Variants in PKHD1L1 observed in about 807,000 individuals in gnomAD.
PKHD1L1 encodes fibrocystin-L.
PKHD1L1 carries 434 observed loss-of-function variants against 462.9 expected under a neutral mutation model. That is an observed-to-expected ratio of 0.94 (90% CI 0.87 to 1.02). PKHD1L1 has a LOEUF of 1.02. Ranked by LOEUF, PKHD1L1 falls within the 50% of genes least tolerant of loss-of-function variation. The pLI is 0.00. For missense variants in PKHD1L1, 5,202 were observed against 5,096.1 expected (o/e 1.02, Z -0.63); for synonymous variants, 1,781 against 1,750.0 (o/e 1.02, Z -0.44).
Position 109,432,334 on chromosome 8 carries a change from T to C in PKHD1L1, c.3230-772T>C, listed in dbSNP as rs185745002. Among the ~76,000 whole-genome samples the C allele has an allele frequency of 9.7e-4, 148 of 152,286 alleles. 2 individuals carry two copies. The East Asian group carries it at 0.021, about 22-fold the overall frequency. ...AACCCCATGACTTCATGTATCATAT[T>C]TGAGAAATCCATTTCTACCTCAAAG... On this transcript the variant is annotated intron_variant, in intron 27 of 77. Transcript: ENST00000378402.
At chr8:109,377,706 G>A (rs1051135292) in intron 2 of PKHD1L1, among the ~76,000 whole-genome samples, 2 of 152,082 alleles carry the variant, frequency 1.3e-5, no homozygotes, top group Admixed American at 1.3e-4. Context: ...CCATAGATGT[G>A]TGTAATTTAC....
intron 2 of PKHD1L1, 125 bp from the exon 3 acceptor site, chr8:109,381,245 A>C: frequency 1.2e-6 from 1 of 830,718 alleles, no homozygotes; most frequent in South Asian, 1.7e-5. Flanking sequence ...TAAATATGAA[A>C]TAGGTTCACT....
intron 51 of PKHD1L1, among the ~76,000 whole-genome samples, chr8:109,475,847 C>CAAAAAA (rs35419700): frequency 1.1e-3 from 105 of 95,268 alleles, no homozygotes; most frequent in African/African-American, 3.4e-3. Context: ...GACTCCATCT[C>CAAAAAA]AAAAAAAAAA....
intron 53 of PKHD1L1, among the ~76,000 whole-genome samples, 167 bp downstream of exon 53, chr8:109,477,563 G>A (rs1467284763): frequency 1.3e-5 from 2 of 152,160 alleles, no homozygotes; most frequent in Non-Finnish European, 2.9e-5. Flanking sequence ...AAACCTTCGT[G>A]AGAAAATGAA....
Position 109,479,994 on chromosome 8 carries a change from C to T in PKHD1L1, c.9182C>T (p.Thr3061Ile). Residue 3061 changes from threonine (T) to isoleucine (I), a missense_variant, in exon 55 of 78, where the codon ACA (threonine) becomes ATA (isoleucine). By Grantham distance (89) the Thr-to-Ile change is moderately conservative. Coordinates refer to ENST00000378402, the MANE Select transcript of PKHD1L1 (RefSeq NM_177531.6). ...PGANVIIPEGTWIVADIDMPS... is the reference protein window; with the variant it reads ...PGANVIIPEGIWIVADIDMPS... ...TTCTTAAAGTATTGTTTTATAGGAA[C>T]ATGGATTGTAGCTGACATAGATATG... 6.4e-7 allele frequency: 1 copy of T among 1,571,012 alleles called. No individual in the cohort carries two copies. Among genetic ancestry groups the T allele is most frequent in the Non-Finnish European group, 8.6e-7 (1 of 1,164,838 alleles).
rs1816088949 is a variant in PKHD1L1, at chr8:109,445,569, A to G, written c.5700A>G (p.Thr1900=). The change falls in exon 38 of 78, where the codon ACA becomes ACG. Residue 1900 remains threonine, a synonymous_variant. Transcript: ENST00000378402. ...TCGATGTTAAAATCTTTGTTAATACAATTGCTTATCCACCTTTGCTTTTTA... is the reference window on the plus strand; with the variant it reads ...TCGATGTTAAAATCTTTGTTAATACGATTGCTTATCCACCTTTGCTTTTTA... ...GMVDVKIFVN[T]IAYPPLLFTY... 2.5e-6 allele frequency: 4 copies of G among 1,611,692 alleles called. No homozygotes were observed. The African/African-American group carries it at 4.0e-5, about 16-fold the overall frequency.
In PKHD1L1 at chr8:109,375,687, T is replaced by G. The variant is rs544055970; in HGVS notation, c.164-5683T>G. Among the ~76,000 whole-genome samples, 30 of 152,322 alleles carry G rather than the reference T, an allele frequency of 2.0e-4. No homozygotes were observed. In the South Asian group the frequency reaches 6.2e-3, roughly 32 times the overall value. On this transcript the variant is annotated intron_variant, in intron 2 of 77. Transcript: ENST00000378402. ...CGTACAGATGGGTTTTTGGTGTGGA[T>G]GTCCTTTCTGTTTGTTAGTTTTCCT...
intron 72 of PKHD1L1, 69 bp from the exon 73 acceptor site, chr8:109,518,098 A>G: frequency 1.0e-6 from 1 of 952,634 alleles, no homozygotes; most frequent in South Asian, 1.9e-5. Context: ...AACAAACATT[A>G]AGTAACGCAT....
intron 65 of PKHD1L1, 38 bp from the exon 66 acceptor site, chr8:109,498,424 A>G: frequency 1.4e-5 from 20 of 1,456,580 alleles, no homozygotes; most frequent in Non-Finnish European, 1.8e-5. Context: ...AGTAAGAGCT[A>G]TTATTAATGC....
chr8:109,429,731 A>G (rs999873924), intron 26 of PKHD1L1, among the ~76,000 whole-genome samples: 1 of 152,200 alleles, frequency 6.6e-6, no homozygotes, highest in Non-Finnish European at 1.5e-5. Context: ...AGCTCTGTAA[A>G]GATGAAGAAA....
rs747437668 is a variant in PKHD1L1 at position 109,493,695 on chromosome 8, A to G, written c.10271A>G (p.Asn3424Ser). Residue 3424 changes from asparagine to serine, a missense_variant, in exon 63 of 78, where the codon AAT (asparagine) becomes AGT (serine). Transcript: ENST00000378402. ...GGGACCAATACAGTTTTACAGAATA[A>G]TGTAGTGGCTGGATTTGGAAGAGCA... ...NRGTNTVLQN[N>S]VVAGFGRAGY... The G allele has an allele frequency of 5.6e-6, 9 of 1,610,002 alleles. No homozygotes were observed. The highest frequency in any genetic ancestry group is 7.6e-6 in the Non-Finnish European group (9 of 1,177,732).
chr8:109,396,362 G>A (rs1381581401), intron 11 of PKHD1L1, among the ~76,000 whole-genome samples: 1 of 152,114 alleles, frequency 6.6e-6, no homozygotes, highest in Admixed American at 6.6e-5. Context: ...GAGCTCTAGG[G>A]ATGGCACCAA....
intron 69 of PKHD1L1, 83 bp downstream of exon 69, chr8:109,507,978 C>A: frequency 6.6e-7 from 1 of 1,514,614 alleles, no homozygotes; most frequent in Non-Finnish European, 9.0e-7. Flanking sequence ...CTTGCCTACT[C>A]AACCAATAAC....
rs574675677 is a variant in PKHD1L1 at position 109,510,642 on chromosome 8, G to A, written c.11396-135G>A. On this transcript the variant is annotated intron_variant, in intron 70 of 77. Coordinates refer to ENST00000378402, the MANE Select transcript of PKHD1L1 (RefSeq NM_177531.6). ...TTAGCTGGCTGGGTAACGGTGGATG[G>A]GTAATAGGTATAAATGCTGAACTTG... The A allele has an allele frequency of 2.4e-5, 27 of 1,135,602 alleles. No homozygotes were observed. In the African/African-American group the frequency reaches 3.5e-4, roughly 15 times the overall value. 70.3% of individuals were successfully genotyped at this position (1,135,602 alleles called of 1,614,324 possible).
chr8:109,421,625 T>C (rs1252387179), intron 23 of PKHD1L1, among the ~76,000 whole-genome samples: 1 of 148,958 alleles, frequency 6.7e-6, no homozygotes, highest in Non-Finnish European at 1.5e-5. Flanking sequence ...CACTAAAAAA[T>C]ACAAAAAAAT....
chr8:109,377,530 A>G (rs1811901688), intron 2 of PKHD1L1, among the ~76,000 whole-genome samples: 1 of 152,202 alleles, frequency 6.6e-6, no homozygotes. Flanking sequence ...ATTTGCCTAA[A>G]GTAGAGTTTT....
At chr8:109,367,481 G>A (rs1366012801) in intron 2 of PKHD1L1, among the ~76,000 whole-genome samples, 1 of 152,200 alleles carries the variant, frequency 6.6e-6, no homozygotes, top group Non-Finnish European at 1.5e-5. Flanking sequence ...CTACCCAGTA[G>A]AAAGATCTAC....
In PKHD1L1 at chr8:109,364,560, A is replaced by T. The variant is rs1224942820; in HGVS notation, c.87A>T (p.Ile29=). The T allele has an allele frequency of 6.3e-7, 1 of 1,596,450 alleles. No individual in the cohort carries two copies. Among genetic ancestry groups the T allele is most frequent in the South Asian group, 1.1e-5 (1 of 89,276 alleles). The change falls in exon 2 of 78, where the codon ATA becomes ATT. Residue 29 remains isoleucine (I), a synonymous_variant. Coordinates refer to ENST00000378402, the MANE Select transcript of PKHD1L1 (RefSeq NM_177531.6). ...AADPSTDGSQ[I]IPKVTEIIPK... Reference sequence around the variant, plus strand: ...AATATTTTTCAGATGGCTCTCAAATAATCCCCAAAGTCACAGAAATAATAC... The same window carrying T: ...AATATTTTTCAGATGGCTCTCAAATTATCCCCAAAGTCACAGAAATAATAC...
At chr8:109,473,103 T>C (rs1169673567) in intron 50 of PKHD1L1, among the ~76,000 whole-genome samples, 2 of 152,154 alleles carry the variant, frequency 1.3e-5, no homozygotes, top group Non-Finnish European at 2.9e-5. Flanking sequence ...ATACTTGAAA[T>C]GAGTGCAGCT....
Sources: gnomAD v4.1 joint callset for allele counts (sites outside exome capture counted in the v4.1 genomes callset) on GRCh38, gnomAD v4.1.1 for gene constraint, MANE v1.5 for transcripts, NCBI Gene and HGNC (gene_info 2026-07-23, HGNC 2026-07-21) for gene names.